B3GAT2: variants seen among roughly 807,000 people sequenced by gnomAD.
B3GAT2 encodes galactosylgalactosylxylosylprotein 3-beta-glucuronosyltransferase 2.
A neutral mutation model predicts 27.8 loss-of-function variants in B3GAT2; 26 were observed. The ratio of observed to expected loss-of-function variants is 0.93; its 90% confidence interval spans 0.68 to 1.30. The LOEUF is 1.30. Ranked by LOEUF, B3GAT2 falls within the 50% of genes most tolerant of loss-of-function variation. The pLI is 0.00. For synonymous variants in B3GAT2, 218 were observed against 195.1 expected, an observed-to-expected ratio of 1.12 and a Z score of -0.98; for missense variants, 458 against 459.0, an observed-to-expected ratio of 1.00 and a Z score of 0.02.
At chr6:70,866,735 T>C (rs967105119) in intron 2 of B3GAT2, among the ~76,000 whole-genome samples, 1 of 152,016 alleles carries the variant, frequency 6.6e-6, no homozygotes, top group Non-Finnish European at 1.5e-5. Context: ...GGAAAAAAAT[T>C]TGAAGAAATG....
chr6:70,857,685 A>G lies in B3GAT2; in HGVS notation c.*3978T>C. 1 of 522,904 alleles carries G rather than the reference A, an allele frequency of 1.9e-6. No individual in the cohort carries two copies. The highest frequency in any genetic ancestry group is 3.4e-6 in the Non-Finnish European group (1 of 292,274). 32.4% of individuals were successfully genotyped at this position (522,904 alleles called of 1,614,324 possible). ...GGAAGATATTTTGTGTGGCTGTTGC[A>G]TATGATTTACATTTCTTAATTAAAT... On this transcript the variant is annotated 3_prime_UTR_variant, in exon 4 of 4. Coordinates refer to ENST00000230053, the MANE Select transcript of B3GAT2 (RefSeq NM_080742.3).
chr6:70,897,811 T>G (rs779993710), intron 1 of B3GAT2, among the ~76,000 whole-genome samples: 21 of 152,064 alleles, frequency 1.4e-4, no homozygotes, highest in Non-Finnish European at 2.9e-4. Context: ...GAGGAACTGA[T>G]TGAAGTTCTT....
At position 70,860,597 on chromosome 6, in the gene B3GAT2, C is replaced by T; in HGVS notation, c.*1066G>A. 1 of 432,562 alleles carries T rather than the reference C, an allele frequency of 2.3e-6. No individual in the cohort carries two copies. The highest frequency in any genetic ancestry group is 4.0e-6 in the Non-Finnish European group (1 of 246,980). The allele number at this position is 432,562 out of a possible 1,614,324, so 26.8% of individuals were successfully genotyped here. A position where few individuals can be genotyped will look rare whatever the true frequency, so the allele number is the denominator to read the frequency against. On this transcript the variant is annotated 3_prime_UTR_variant, in exon 4 of 4. Transcript: ENST00000230053. Reference sequence around the variant, plus strand: ...CTGCATTATTTGAGAAGCTGCTCAACTTGCAAAATCAGTTTTCCTCTCAAT... The same window carrying T: ...CTGCATTATTTGAGAAGCTGCTCAATTTGCAAAATCAGTTTTCCTCTCAAT...
intron 2 of B3GAT2, among the ~76,000 whole-genome samples, chr6:70,872,174 G>T (rs1771948326): frequency 6.6e-6 from 1 of 151,872 alleles, no homozygotes; most frequent in Admixed American, 6.6e-5. Flanking sequence ...TTCCATTCTT[G>T]TTGGGTGGAG....
chr6:70,880,450 G>A (rs1772083689), intron 2 of B3GAT2, among the ~76,000 whole-genome samples: 1 of 152,050 alleles, frequency 6.6e-6, no homozygotes, highest in Non-Finnish European at 1.5e-5. Flanking sequence ...TTCAAACCTG[G>A]CAATGGAATC....
chr6:70,872,504 CTT>C (rs70990337), intron 2 of B3GAT2, among the ~76,000 whole-genome samples: 43,170 of 119,764 alleles, frequency 0.36, 7,373 homozygotes, highest in Middle Eastern at 0.45. Context: ...CATTCCCGTT[CTT>C]TTTTTTTTTT....
Position 70,856,750 on chromosome 6 carries a change from C to A in B3GAT2, c.*4913G>T. On this transcript the variant is annotated 3_prime_UTR_variant, in exon 4 of 4. Coordinates refer to ENST00000230053, the MANE Select transcript of B3GAT2 (RefSeq NM_080742.3). ...TTGAATGGCACCATTTTACCTTCTA[C>A]AATTGTTTGATTCCTATCTAATTTT... The A allele has an allele frequency of 8.7e-7, 1 of 1,155,808 alleles. No homozygotes were observed. The allele number at this position is 1,155,808 out of a possible 1,614,324, so 71.6% of individuals were successfully genotyped here. A position where few individuals can be genotyped will look rare whatever the true frequency, so the allele number is the denominator to read the frequency against.
chr6:70,922,050 C>T (rs1191249295), intron 1 of B3GAT2, among the ~76,000 whole-genome samples: 1 of 152,094 alleles, frequency 6.6e-6, no homozygotes, highest in Non-Finnish European at 1.5e-5. Context: ...GTGGTGGCAG[C>T]AGGATCCATG....
In B3GAT2 at chr6:70,859,841, A is replaced by ATAAT. The variant is rs1328314520; in HGVS notation, c.*1818_*1821dup. ...ATATCTATCATACAAAGTTTATAGG[A>ATAAT]TAATTTTAGACTATTTTACTTCCTA... On this transcript the variant is annotated 3_prime_UTR_variant, in exon 4 of 4. Transcript: ENST00000230053. 2 of 186,384 alleles carry ATAAT rather than the reference A, an allele frequency of 1.1e-5. No individual in the cohort carries two copies. The highest frequency in any genetic ancestry group is 2.2e-3 in the Middle Eastern group (1 of 452). The allele number at this position is 186,384 out of a possible 1,614,324, so 11.5% of individuals were successfully genotyped here.
chr6:70,944,194 A>G (rs9455268), intron 1 of B3GAT2, among the ~76,000 whole-genome samples: 107,537 of 151,952 alleles, frequency 0.71, 38,371 homozygotes, highest in Middle Eastern at 0.77. Context: ...TACCGGGTTC[A>G]TCTCACTAGG....
intron 2 of B3GAT2, among the ~76,000 whole-genome samples, chr6:70,887,730 T>C (rs555499342): frequency 5.3e-4 from 80 of 152,270 alleles, no homozygotes; most frequent in Middle Eastern, 6.8e-3. Flanking sequence ...AGGAGCTATC[T>C]TAATTGAAGC....
chr6:70,860,301 A>C lies in B3GAT2; in HGVS notation c.*1362T>G, dbSNP rs779746245. On this transcript the variant is annotated 3_prime_UTR_variant, in exon 4 of 4. Coordinates refer to ENST00000230053, the MANE Select transcript of B3GAT2 (RefSeq NM_080742.3). ...CAGCAGGATGGTCTGGAAGCTCATC[A>C]GGTCAGACTCTCAGCACACAACTGT... is the stretch of plus-strand genomic sequence containing the variant. 4 of 1,613,530 alleles carry C rather than the reference A, an allele frequency of 2.5e-6. No homozygotes were observed. The highest frequency in any genetic ancestry group is 1.7e-5 in the Admixed American group (1 of 59,818).
intron 1 of B3GAT2, among the ~76,000 whole-genome samples, chr6:70,923,050 G>T (rs1772896935): frequency 6.6e-6 from 1 of 152,096 alleles, no homozygotes. Flanking sequence ...AACATATAAA[G>T]GACTATGGTT....
chr6:70,947,080 C>A (rs977349567), intron 1 of B3GAT2, among the ~76,000 whole-genome samples: 2 of 151,788 alleles, frequency 1.3e-5, no homozygotes, highest in Non-Finnish European at 2.9e-5. Context: ...ACATTCAAAG[C>A]AGTGTGTAGA....
At position 70,860,349 on chromosome 6, in the gene B3GAT2, G is replaced by A; in HGVS notation, c.*1314C>T. On this transcript the variant is annotated 3_prime_UTR_variant, in exon 4 of 4. Coordinates refer to ENST00000230053, the MANE Select transcript of B3GAT2 (RefSeq NM_080742.3). ...TGTGGAAATGAAAACTGCAATACAAGTTTCATCCAGAACTACCACCTGACA... is the reference window on the plus strand; with the variant it reads ...TGTGGAAATGAAAACTGCAATACAAATTTCATCCAGAACTACCACCTGACA... 1.3e-6 allele frequency: 2 copies of A among 1,598,988 alleles called. No homozygotes were observed. The highest frequency in any genetic ancestry group is 1.7e-6 in the Non-Finnish European group (2 of 1,173,392).
At chr6:70,944,231 G>A (rs898561968) in intron 1 of B3GAT2, among the ~76,000 whole-genome samples, 1 of 151,992 alleles carries the variant, frequency 6.6e-6, no homozygotes, top group Non-Finnish European at 1.5e-5. Flanking sequence ...GCGCAGGACA[G>A]TGGGTGCAGC....
intron 1 of B3GAT2, among the ~76,000 whole-genome samples, chr6:70,925,204 C>G (rs1400371413): frequency 1.3e-5 from 2 of 152,266 alleles, no homozygotes; most frequent in African/African-American, 4.8e-5. Flanking sequence ...AGGAACAGCT[C>G]TAGTCTACAG....
chr6:70,904,542 G>A (rs147921968), intron 1 of B3GAT2, among the ~76,000 whole-genome samples: 85 of 152,226 alleles, frequency 5.6e-4, no homozygotes, highest in Non-Finnish European at 9.0e-4. Flanking sequence ...TCTGACACAC[G>A]TCCAGAGTAC....
intron 2 of B3GAT2, among the ~76,000 whole-genome samples, chr6:70,884,696 C>T (rs1306111301): frequency 6.6e-6 from 1 of 152,204 alleles, no homozygotes; most frequent in Admixed American, 6.5e-5. Context: ...GGAAGAGTAA[C>T]TGGAAATTAG....
Sources: allele counts gnomAD v4.1 joint callset (sites outside exome capture counted in the v4.1 genomes callset), GRCh38; gene constraint gnomAD v4.1.1; transcripts MANE v1.5; gene names NCBI Gene and HGNC (gene_info 2026-07-23, HGNC 2026-07-21).